Variants in LYN observed in about 807,000 individuals in gnomAD.
The protein encoded by LYN is LYN proto-oncogene, Src family tyrosine kinase.
LYN carries 12 observed loss-of-function variants against 65.0 expected under a neutral mutation model. The ratio of observed to expected loss-of-function variants is 0.18; its 90% CI spans 0.12 to 0.30. The LOEUF (loss-of-function observed/expected upper bound fraction) is 0.30. Ranked by LOEUF, LYN falls within the 10% of genes least tolerant of loss-of-function variation. LYN has a pLI of 1.00. For missense variants in LYN, 380 were observed against 623.2 expected (o/e 0.61, Z 4.16); for synonymous variants, 222 against 221.2 (o/e 1.00, Z -0.03).
At chr8:55,966,431 G>A (rs573965611) in intron 8 of LYN, among the ~76,000 whole-genome samples, 12 of 151,390 alleles carry the variant, frequency 7.9e-5, no homozygotes, top group African/African-American at 1.2e-4. Flanking sequence ...GCAATGGTGC[G>A]ATCTCAGCTC....
At chr8:55,927,495 A>G (rs2130444829) in intron 1 of LYN, among the ~76,000 whole-genome samples, 1 of 152,226 alleles carries the variant, frequency 6.6e-6, no homozygotes, top group South Asian at 2.1e-4. Context: ...TTATCCATTC[A>G]CCTAATGAAG....
intron 1 of LYN, among the ~76,000 whole-genome samples, chr8:55,912,001 C>T (rs1805653107): frequency 6.6e-6 from 1 of 152,048 alleles, no homozygotes; most frequent in Non-Finnish European, 1.5e-5. Context: ...TCTACCACGT[C>T]CCTTCTAGCC....
rs943664988 is a variant in LYN at position 56,010,722 on chromosome 8, A to T, written c.*612A>T. The T allele has an allele frequency of 1.3e-5, 3 of 222,820 alleles. No homozygotes were observed. Among genetic ancestry groups the T allele is most frequent in the Non-Finnish European group, 2.7e-5 (3 of 112,552 alleles). 13.8% of individuals were successfully genotyped at this position (222,820 alleles called of 1,614,324 possible). A position where few individuals can be genotyped will look rare whatever the true frequency, so the allele number is the denominator to read the frequency against. On this transcript the variant is annotated 3_prime_UTR_variant, in exon 13 of 13. Transcript: ENST00000519728. ...CATTTTTCTTCTATGAACACTGCTC[A>T]GACCTGCTAGACATGCCATAGGAGT...
chr8:55,940,413 T>C (rs1303320048), intron 1 of LYN: 1 of 152,246 alleles, frequency 6.6e-6, no homozygotes, highest in East Asian at 1.9e-4. Flanking sequence ...AGTCTTGCTG[T>C]CGCCCAGGCT....
chr8:55,950,862 G>A, intron 6 of LYN, 78 bp downstream of exon 6: 1 of 996,360 alleles, frequency 1.0e-6, no homozygotes, highest in Admixed American at 2.0e-5. Context: ...GCTACTCAAG[G>A]GGAAAAAAGG....
At chr8:55,921,556 G>A (rs907047873) in intron 1 of LYN, among the ~76,000 whole-genome samples, 3 of 152,208 alleles carry the variant, frequency 2.0e-5, no homozygotes, top group African/African-American at 4.8e-5. Flanking sequence ...TGGGCTGCTG[G>A]AGACCAGGCA....
At chr8:55,997,888 T>G (rs1015648824) in intron 10 of LYN, among the ~76,000 whole-genome samples, 16 of 151,964 alleles carry the variant, frequency 1.1e-4, no homozygotes, top group Admixed American at 6.6e-4. Flanking sequence ...ATCGAGACCA[T>G]CCTGGCTAAC....
chr8:55,953,107 A>C (rs1047149636), intron 7 of LYN, among the ~76,000 whole-genome samples: 1 of 152,196 alleles, frequency 6.6e-6, no homozygotes, highest in African/African-American at 2.4e-5. Flanking sequence ...TCCTGTGTGC[A>C]TCCGGCACAT....
At chr8:55,987,564 C>T (rs141818686) in intron 10 of LYN, among the ~76,000 whole-genome samples, 1 of 152,042 alleles carries the variant, frequency 6.6e-6, no homozygotes, top group Non-Finnish European at 1.5e-5. Flanking sequence ...TTATGGGTGC[C>T]CGCCACCACA....
rs144717159 is a variant in LYN at position 55,987,155 on chromosome 8, G to A, written c.1051-11191G>A. The stretch of plus-strand genomic sequence containing the variant: ...TTGCCAGGCGCTGTGGCTCATGCGT[G>A]TAATTTCAGCACTTTGGGAGGCTAA... On this transcript the variant is annotated intron_variant, in intron 10 of 12. Transcript: ENST00000519728. Among the ~76,000 whole-genome samples the A allele has an allele frequency of 2.6e-5, 4 of 152,250 alleles. No individual in the cohort carries two copies. The East Asian group carries it at 7.7e-4, about 29-fold the overall frequency.
At chr8:55,901,836 A>G (rs561028628) in intron 1 of LYN, among the ~76,000 whole-genome samples, 1 of 152,176 alleles carries the variant, frequency 6.6e-6, no homozygotes, top group Non-Finnish European at 1.5e-5. Flanking sequence ...TGGCTCAACC[A>G]AAGATAAGCA....
intron 1 of LYN, among the ~76,000 whole-genome samples, chr8:55,892,376 C>T (rs962981599): frequency 6.6e-5 from 10 of 152,198 alleles, no homozygotes; most frequent in South Asian, 2.1e-4. Flanking sequence ...GCTGAGACCA[C>T]GCCGTTGGAC....
At chr8:55,905,442 A>G (rs1394444118) in intron 1 of LYN, among the ~76,000 whole-genome samples, 1 of 151,788 alleles carries the variant, frequency 6.6e-6, no homozygotes, top group Non-Finnish European at 1.5e-5. Context: ...AAAGAAAGAA[A>G]GACAAAAGAA....
chr8:55,985,059 A>C (rs947742819), intron 10 of LYN, among the ~76,000 whole-genome samples: 1 of 152,216 alleles, frequency 6.6e-6, no homozygotes, highest in African/African-American at 2.4e-5. Context: ...TAGTCGGGAA[A>C]CACTGCCATT....
At chr8:55,912,251 G>T (rs1805657771) in intron 1 of LYN, among the ~76,000 whole-genome samples, 1 of 152,212 alleles carries the variant, frequency 6.6e-6, no homozygotes, top group Non-Finnish European at 1.5e-5. Context: ...CATTAAGGAT[G>T]CATTGCTAGG....
At chr8:55,953,758 A>G in intron 7 of LYN, 74 bp from the exon 8 acceptor site, 1 of 1,413,886 alleles carries the variant, frequency 7.1e-7, no homozygotes, top group Non-Finnish European at 9.5e-7. Flanking sequence ...GCTAGTGTTC[A>G]ACTTTTCTTT....
intron 1 of LYN, among the ~76,000 whole-genome samples, chr8:55,890,117 C>CAAAAAAAAAAAAA (rs34706733): frequency 1.3e-3 from 103 of 78,996 alleles, no homozygotes; most frequent in Middle Eastern, 0.019. Context: ...CCTCTATAGA[C>CAAAAAAAAAAAAA]AAAAAAAAAA....
chr8:55,975,110 G>A (rs774473977), intron 10 of LYN, among the ~76,000 whole-genome samples: 4 of 152,202 alleles, frequency 2.6e-5, no homozygotes, highest in Non-Finnish European at 5.9e-5. Flanking sequence ...AATCTGAGCC[G>A]GGTGCCGCTG....
chr8:55,913,268 T>G (rs1325704089), intron 1 of LYN, among the ~76,000 whole-genome samples: 1 of 152,254 alleles, frequency 6.6e-6, no homozygotes, highest in Non-Finnish European at 1.5e-5. Context: ...TTGCTTTCTT[T>G]CCAAAGGTAT....
Sources: allele counts gnomAD v4.1 joint callset (sites outside exome capture counted in the v4.1 genomes callset), GRCh38; gene constraint gnomAD v4.1.1; transcripts MANE v1.5; gene names NCBI Gene and HGNC (gene_info 2026-07-23, HGNC 2026-07-21).